The following H2AC25 variants were observed in gnomAD, a reference collection of about 807,000 sequenced individuals.
The protein encoded by H2AC25 is histone H2A type 3.
the H2AC25 span, chr1:228,457,619 C>A: frequency 6.2e-7 from 1 of 1,613,922 alleles, no homozygotes; most frequent in Non-Finnish European, 8.5e-7. Flanking sequence ...GCGTTGCCGG[C>A]AAGCTCCAGG....
the H2AC25 span, chr1:228,457,747 A>T: frequency 6.2e-7 from 1 of 1,611,646 alleles, no homozygotes; most frequent in Admixed American, 1.7e-5. Context: ...GGGGAACTGC[A>T]GCCCCGCGCG....
the H2AC25 span, chr1:228,457,815 C>A: frequency 7.5e-6 from 12 of 1,593,372 alleles, no homozygotes; most frequent in East Asian, 2.7e-4. Flanking sequence ...CACGACCGGA[C>A]ATTTCCGAGT....
chr1:228,457,768 G>A, the H2AC25 span: 1 of 1,610,486 alleles, frequency 6.2e-7, no homozygotes, highest in Non-Finnish European at 8.5e-7. Flanking sequence ...CGACGAGCGC[G>A]ACTTAGCCTT....
At chr1:228,457,721 G>C in the H2AC25 span, 1 of 1,612,808 alleles carries the variant, frequency 6.2e-7, no homozygotes, top group Middle Eastern at 1.7e-4. Flanking sequence ...CGGAGCAACC[G>C]GTGCACGCGG....
the H2AC25 span, chr1:228,457,610 C>A: frequency 6.2e-7 from 1 of 1,613,934 alleles, no homozygotes; most frequent in Non-Finnish European, 8.5e-7. Flanking sequence ...TCGCGCGCCG[C>A]GTTGCCGGCA....
At chr1:228,457,443 G>A in the H2AC25 span, 7 of 1,614,090 alleles carry the variant, frequency 4.3e-6, no homozygotes, top group Admixed American at 1.7e-5. Context: ...CCTTGGCCTT[G>A]TGGTGGCTCT....
the H2AC25 span, chr1:228,457,621 A>G: frequency 6.2e-7 from 1 of 1,613,898 alleles, no homozygotes; most frequent in South Asian, 1.1e-5. Context: ...GTTGCCGGCA[A>G]GCTCCAGGAT....
the H2AC25 span, chr1:228,457,710 G>A: frequency 1.9e-6 from 3 of 1,613,206 alleles, no homozygotes; most frequent in South Asian, 2.2e-5. Context: ...AGTTGCCCTT[G>A]CGGAGCAACC....
At chr1:228,457,703 T>G in the H2AC25 span, 1 of 1,613,180 alleles carries the variant, frequency 6.2e-7, no homozygotes, top group Non-Finnish European at 8.5e-7. Context: ...TCCGAATAGT[T>G]GCCCTTGCGG....
chr1:228,457,804 C>A, the H2AC25 span: 1 of 1,602,060 alleles, frequency 6.2e-7, no homozygotes, highest in East Asian at 2.2e-5. Context: ...ACCCTGCTTA[C>A]CACGACCGGA....
the H2AC25 span, chr1:228,457,394 A>G: frequency 1.2e-5 from 20 of 1,612,926 alleles, no homozygotes; most frequent in Admixed American, 3.0e-4. Context: ...CTTTATGTCC[A>G]TCAAAGGGGC....
the H2AC25 span, chr1:228,457,420 C>A: frequency 5.0e-6 from 8 of 1,613,618 alleles, no homozygotes; most frequent in Non-Finnish European, 6.8e-6. Flanking sequence ...GGGCGGCGGG[C>A]GGCCTCACTT....
At chr1:228,457,846 A>T in the H2AC25 span, 3 of 1,578,148 alleles carry the variant, frequency 1.9e-6, no homozygotes, top group Non-Finnish European at 2.6e-6. Context: ...AGACAACGGC[A>T]ACCGAAAAGC....
chr1:228,457,621 AG>A, the H2AC25 span: 1 of 1,613,898 alleles, frequency 6.2e-7, no homozygotes, highest in Non-Finnish European at 8.5e-7. Context: ...GTTGCCGGCA[AG>A]CTCCAGGATC....
chr1:228,457,646 A>G, the H2AC25 span: 1 of 1,613,594 alleles, frequency 6.2e-7, no homozygotes, highest in Non-Finnish European at 8.5e-7. Flanking sequence ...GCAGTCAAGT[A>G]CTCGAGCACC....
At chr1:228,457,389 T>C in the H2AC25 span, 1 of 1,612,106 alleles carries the variant, frequency 6.2e-7, no homozygotes, top group Non-Finnish European at 8.5e-7. Context: ...AGAGCCTTTA[T>C]GTCCATCAAA....
the H2AC25 span, chr1:228,457,707 C>T: frequency 1.9e-6 from 3 of 1,613,246 alleles, no homozygotes; most frequent in Non-Finnish European, 2.5e-6. Flanking sequence ...AATAGTTGCC[C>T]TTGCGGAGCA....
At chr1:228,457,752 C>A in the H2AC25 span, 7 of 1,611,292 alleles carry the variant, frequency 4.3e-6, no homozygotes, top group African/African-American at 1.3e-5. Flanking sequence ...ACTGCAGCCC[C>A]GCGCGCGACG....
the H2AC25 span, chr1:228,457,537 A>C: frequency 7.4e-6 from 12 of 1,614,068 alleles, no homozygotes; most frequent in Non-Finnish European, 1.0e-5. Context: ...CAGCTTGTTG[A>C]GCTCCTCGTC....
Sources: allele counts gnomAD v4.1 joint callset, GRCh38; gene constraint gnomAD v4.1.1; transcripts MANE v1.5; gene names NCBI Gene and HGNC (gene_info 2026-07-23, HGNC 2026-07-21).